Variants in OPCML observed in about 807,000 individuals in gnomAD.
The protein encoded by OPCML is opioid binding protein/cell adhesion molecule like.
Under a neutral mutation model 37.8 loss-of-function variants are expected in OPCML, and 13 were observed. The observed-to-expected ratio is 0.34, with a 90% confidence interval of 0.22 to 0.55. OPCML has a LOEUF of 0.55. Ranked by LOEUF, OPCML falls within the 20% of genes least tolerant of loss-of-function variation. The pLI is 0.91. For synonymous variants in OPCML, 176 were observed against 168.8 expected (o/e 1.04, Z -0.33); for missense variants, 341 against 435.6 (o/e 0.78, Z 1.93).
intron 3 of OPCML, among the ~76,000 whole-genome samples, chr11:132,537,212 C>T (rs766039006): frequency 6.6e-6 from 1 of 152,032 alleles, no homozygotes; most frequent in South Asian, 2.1e-4. Context: ...AAAATATGCA[C>T]AATTAAAAAT....
intron 4 of OPCML, among the ~76,000 whole-genome samples, chr11:132,515,873 G>A (rs2096278593): frequency 6.6e-6 from 1 of 152,182 alleles, no homozygotes; most frequent in Non-Finnish European, 1.5e-5. Flanking sequence ...AAAGCAGGAA[G>A]AAAAGAGCCT....
At position 132,476,283 on chromosome 11, in the gene OPCML, G is replaced by A. The variant is rs528326965; in HGVS notation, c.506-38924C>T. 1.4e-3 allele frequency among the ~76,000 whole-genome samples: 212 copies of A among 152,084 alleles called. 3 individuals are homozygous for A. The highest frequency in any genetic ancestry group is 1.6e-3 in the Admixed American group (24 of 15,270). Reference sequence around the variant, plus strand: ...CAACCACTGTGGAAGTCAGTGTGGCGATTCCTCAGGGATCTAGAACTAGAA... The same window carrying A: ...CAACCACTGTGGAAGTCAGTGTGGCAATTCCTCAGGGATCTAGAACTAGAA... On this transcript the variant is annotated intron_variant, in intron 4 of 7. Transcript: ENST00000524381.
chr11:132,706,843 C>T (rs914649160), intron 2 of OPCML, among the ~76,000 whole-genome samples: 3 of 152,118 alleles, frequency 2.0e-5, no homozygotes, highest in African/African-American at 7.2e-5. Context: ...ATGAATATAC[C>T]AAATTACATT....
intron 4 of OPCML, among the ~76,000 whole-genome samples, chr11:132,527,103 A>C (rs996663480): frequency 6.6e-6 from 1 of 152,202 alleles, no homozygotes; most frequent in African/African-American, 2.4e-5. Context: ...CTGTTGTTAG[A>C]ATATTCCACA....
At chr11:132,828,757 T>G (rs2136272519) in intron 2 of OPCML, among the ~76,000 whole-genome samples, 1 of 152,334 alleles carries the variant, frequency 6.6e-6, no homozygotes, top group East Asian at 1.9e-4. Context: ...GTGCTGATAC[T>G]GAAGTTGTCT....
intron 1 of OPCML, among the ~76,000 whole-genome samples, chr11:133,484,360 T>C (rs1947483905): frequency 6.6e-6 from 1 of 152,152 alleles, no homozygotes; most frequent in South Asian, 2.1e-4. Flanking sequence ...TATTCAATAT[T>C]CTATATCTAG....
intron 1 of OPCML, among the ~76,000 whole-genome samples, chr11:133,128,033 T>C (rs1490237019): frequency 6.6e-6 from 1 of 152,096 alleles, no homozygotes; most frequent in Non-Finnish European, 1.5e-5. Flanking sequence ...GCATGACTGT[T>C]TTCCCTTGAG....
chr11:132,644,461 C>T (rs1263434179), intron 3 of OPCML, among the ~76,000 whole-genome samples: 1 of 151,526 alleles, frequency 6.6e-6, no homozygotes, highest in Non-Finnish European at 1.5e-5. Context: ...GGGAAATAAT[C>T]TATCTGAACA....
At chr11:132,563,670 C>A (rs1344049467) in intron 3 of OPCML, among the ~76,000 whole-genome samples, 1 of 152,092 alleles carries the variant, frequency 6.6e-6, no homozygotes, top group Non-Finnish European at 1.5e-5. Flanking sequence ...ACTCACTTGA[C>A]TGAAGAAATT....
intron 2 of OPCML, among the ~76,000 whole-genome samples, chr11:132,910,176 G>T (rs749422630): frequency 6.6e-6 from 1 of 152,198 alleles, no homozygotes. Context: ...TAAAGCAGCC[G>T]CAGGACAAAG....
At chr11:132,568,064 G>A (rs1330713922) in intron 3 of OPCML, among the ~76,000 whole-genome samples, 1 of 151,814 alleles carries the variant, frequency 6.6e-6, no homozygotes, top group African/African-American at 2.4e-5. Flanking sequence ...GTGTGTGTGT[G>A]TGTGTTTGAT....
intron 3 of OPCML, among the ~76,000 whole-genome samples, chr11:132,627,151 A>G (rs1215818194): frequency 2.6e-5 from 4 of 152,126 alleles, no homozygotes; most frequent in Non-Finnish European, 5.9e-5. Flanking sequence ...GAGATATAAG[A>G]TATATAATGG....
chr11:132,511,659 T>C (rs148932586), intron 4 of OPCML, among the ~76,000 whole-genome samples: 1,565 of 152,162 alleles, frequency 0.01, 12 homozygotes, highest in Admixed American at 0.014. Context: ...AAAAGGATTA[T>C]GTTTTCCACA....
At position 132,994,361 on chromosome 11, in the gene OPCML, G is replaced by T. The variant is rs552357679; in HGVS notation, c.62-51351C>A. Among the ~76,000 whole-genome samples the T allele has an allele frequency of 7.2e-5, 11 of 152,336 alleles. No homozygotes were observed. In the South Asian group the frequency reaches 2.1e-3, roughly 29 times the overall value. On this transcript the variant is annotated intron_variant, in intron 1 of 7. Transcript: ENST00000524381. ...AAAAGACTAAACCTACCAGGTCAGCGTGAGTACACGGAGGAGGAGCCTAGG... is the reference window on the plus strand; with the variant it reads ...AAAAGACTAAACCTACCAGGTCAGCTTGAGTACACGGAGGAGGAGCCTAGG...
In OPCML at chr11:133,110,304, T is replaced by C. The variant is rs554941723; in HGVS notation, c.62-167294A>G. ...CTTAATAGTGGTGACTATGGCACTA[T>C]GTTTAAATATTGATGAACAAATGTG... On this transcript the variant is annotated intron_variant, in intron 1 of 7. Transcript: ENST00000524381. Among the ~76,000 whole-genome samples, 6 of 152,314 alleles carry C rather than the reference T, an allele frequency of 3.9e-5. No homozygotes were observed. In the East Asian group the frequency reaches 9.6e-4, roughly 24 times the overall value.
At chr11:132,437,386 C>A in intron 4 of OPCML, 27 bp from the exon 5 acceptor site, 1 of 1,611,712 alleles carries the variant, frequency 6.2e-7, no homozygotes, top group Non-Finnish European at 8.5e-7. Flanking sequence ...AGACAGGAAA[C>A]AATCAGGAAA....
chr11:133,458,257 CACGTGTGTGTATATATACACACATATAT>C (rs1946731266), intron 1 of OPCML, among the ~76,000 whole-genome samples: 1 of 80,584 alleles, frequency 1.2e-5, no homozygotes, highest in Non-Finnish European at 2.1e-5. Context: ...CATATATATA[CACGTGTGTGTATATATACACACATATAT>C]ACACGTGTGT....
At chr11:133,008,219 A>G (rs1433155477) in intron 1 of OPCML, 3 of 985,288 alleles carry the variant, frequency 3.0e-6, no homozygotes, top group Non-Finnish European at 2.4e-6. Context: ...CTCAGACCCT[A>G]CACAGTGTTG....
At chr11:132,429,064 G>GATGA (rs1273690512) in intron 7 of OPCML, among the ~76,000 whole-genome samples, 1 of 152,048 alleles carries the variant, frequency 6.6e-6, no homozygotes, top group Non-Finnish European at 1.5e-5. Context: ...TGGATGGATG[G>GATGA]ATGGATGGAT....
Sources: gnomAD v4.1 joint callset for allele counts (sites outside exome capture counted in the v4.1 genomes callset) on GRCh38, gnomAD v4.1.1 for gene constraint, MANE v1.5 for transcripts, NCBI Gene and HGNC (gene_info 2026-07-23, HGNC 2026-07-21) for gene names.